Variants in TIMP2 observed in about 807,000 individuals in gnomAD.
TIMP2 encodes the protein metalloproteinase inhibitor 2.
A neutral mutation model predicts 24.3 loss-of-function variants in TIMP2; 5 were observed. The ratio of observed to expected loss-of-function variants is 0.21; its 90% confidence interval spans 0.11 to 0.43. TIMP2 has a LOEUF of 0.43. Ranked by LOEUF, TIMP2 falls within the 20% of genes least tolerant of loss-of-function variation. The pLI is 1.00. For missense variants in TIMP2, 221 were observed against 297.5 expected (o/e 0.74, Z 1.89); for synonymous variants, 130 against 123.2 (o/e 1.06, Z -0.37).
chr17:78,925,105 G>T lies in TIMP2; in HGVS notation c.-17C>A, dbSNP rs1341337207. 2 of 908,252 alleles carry T rather than the reference G, an allele frequency of 2.2e-6. No homozygotes were observed. The highest frequency in any genetic ancestry group is 2.6e-6 in the Non-Finnish European group (2 of 761,706). The allele number at this position is 908,252 out of a possible 1,614,324, so 56.3% of individuals were successfully genotyped here. On this transcript the variant is annotated 5_prime_UTR_variant, in exon 1 of 5. Transcript: ENST00000262768. ...GGCGCCCATGGCGGGCCGGGGGGCTGGGCGGGCGGGGGCCGCCGCTGGGGG... is the reference window on the plus strand; with the variant it reads ...GGCGCCCATGGCGGGCCGGGGGGCTTGGCGGGCGGGGGCCGCCGCTGGGGG...
intron 1 of TIMP2, among the ~76,000 whole-genome samples, chr17:78,921,188 ACTAT>A (rs1291371482): frequency 3.3e-5 from 5 of 152,080 alleles, no homozygotes; most frequent in Non-Finnish European, 5.9e-5. Context: ...GGTGGCCCCT[ACTAT>A]CTGTCTGGTC....
At chr17:78,888,498 A>G (rs1190864381) in intron 1 of TIMP2, among the ~76,000 whole-genome samples, 1 of 152,078 alleles carries the variant, frequency 6.6e-6, no homozygotes, top group East Asian at 1.9e-4. Flanking sequence ...TCTGTCACCC[A>G]GGCTGGCAGT....
At chr17:78,897,198 T>A (rs532084491) in intron 1 of TIMP2, 2 of 163,760 alleles carry the variant, frequency 1.2e-5, no homozygotes, top group African/African-American at 2.4e-5. Context: ...ATCACAGTCA[T>A]AGGGAGTGTG....
intron 3 of TIMP2, among the ~76,000 whole-genome samples, chr17:78,868,347 T>G (rs1388881287): frequency 1.3e-5 from 2 of 152,010 alleles, no homozygotes; most frequent in Non-Finnish European, 2.9e-5. Flanking sequence ...GCCTCCTGGG[T>G]TCAAATGATT....
chr17:78,870,474 A>G (rs2069670741), intron 3 of TIMP2, among the ~76,000 whole-genome samples: 1 of 151,704 alleles, frequency 6.6e-6, no homozygotes, highest in African/African-American at 2.4e-5. Context: ...ACATGGCTAC[A>G]TTTTGTTACG....
At chr17:78,901,742 C>A (rs1157671499) in intron 1 of TIMP2, 2 of 717,256 alleles carry the variant, frequency 2.8e-6, no homozygotes, top group Non-Finnish European at 5.2e-6. Context: ...CTTGTCACCA[C>A]GAGAAGCACC....
Position 78,870,991 on chromosome 17 carries a change from C to T in TIMP2, c.247G>A (p.Glu83Lys). 6.2e-7 allele frequency: 1 copy of T among 1,612,744 alleles called. No individual in the cohort carries two copies. Among genetic ancestry groups the T allele is most frequent in the South Asian group, 1.1e-5 (1 of 90,658 alleles). The part of the protein sequence containing the change: ...IKQIKMFKGP[E>K]KDIEFIYTAP... ...GTGTAGATAAACTCTATATCCTTCT[C>T]AGGCCCTTTGAACATCTGGAAAGAC... The change falls in exon 3 of 5, where the codon GAG becomes AAG. Residue 83 changes from glutamate (E) to lysine (K), a missense_variant. Coordinates refer to ENST00000262768, the MANE Select transcript of TIMP2 (RefSeq NM_003255.5).
chr17:78,879,413 C>T lies in TIMP2; in HGVS notation c.131-5494G>A, dbSNP rs906401969. Among the ~76,000 whole-genome samples the T allele has an allele frequency of 2.6e-5, 4 of 152,174 alleles. No homozygotes were observed. The South Asian group carries it at 6.2e-4, about 24-fold the overall frequency. Reference sequence around the variant, plus strand: ...ATGTGAAGAACAGGGCTGGGGAAAGCGAAGAGACATAAGGAATCTGGGAAG... The same window carrying T: ...ATGTGAAGAACAGGGCTGGGGAAAGTGAAGAGACATAAGGAATCTGGGAAG... On this transcript the variant is annotated intron_variant, in intron 1 of 4. Coordinates refer to ENST00000262768, the MANE Select transcript of TIMP2 (RefSeq NM_003255.5).
intron 1 of TIMP2, among the ~76,000 whole-genome samples, chr17:78,893,176 TGTGTGTGCAGGG>T (rs1480273781): frequency 8.2e-5 from 11 of 134,432 alleles, no homozygotes; most frequent in African/African-American, 1.5e-4. Context: ...TGTGCATACA[TGTGTGTGCAGGG>T]GTGTGTGCAA....
At chr17:78,901,768 A>T in intron 1 of TIMP2, 2 of 717,286 alleles carry the variant, frequency 2.8e-6, no homozygotes, top group South Asian at 3.0e-5. Flanking sequence ...TGCTTGGGGA[A>T]GAGGGGTGGT....
At chr17:78,923,047 G>A (rs920643454) in intron 1 of TIMP2, among the ~76,000 whole-genome samples, 5 of 152,094 alleles carry the variant, frequency 3.3e-5, no homozygotes, top group African/African-American at 1.2e-4. Context: ...ATTTGTGGTA[G>A]TTTGTCACAG....
chr17:78,919,166 A>G (rs2070288900), intron 1 of TIMP2, among the ~76,000 whole-genome samples: 1 of 152,242 alleles, frequency 6.6e-6, no homozygotes, highest in Non-Finnish European at 1.5e-5. Context: ...GGCCCGCTCC[A>G]GCACGCGGAG....
intron 1 of TIMP2, among the ~76,000 whole-genome samples, chr17:78,918,078 A>G (rs1371983705): frequency 3.4e-5 from 5 of 149,144 alleles, no homozygotes; most frequent in East Asian, 3.9e-4. Context: ...ACACACACAC[A>G]CACACACACA....
chr17:78,886,765 C>T (rs141221287), intron 1 of TIMP2, among the ~76,000 whole-genome samples: 91 of 152,212 alleles, frequency 6.0e-4, no homozygotes, highest in African/African-American at 2.0e-3. Context: ...GTCTCTGTCA[C>T]TGAAGCTGGA....
In TIMP2 at chr17:78,920,350, G is replaced by A. The variant is rs893573702; in HGVS notation, c.130+4609C>T. Among the ~76,000 whole-genome samples the A allele has an allele frequency of 5.3e-4, 81 of 152,336 alleles. No individual in the cohort carries two copies. Among genetic ancestry groups the A allele is most frequent in the Non-Finnish European group, 8.7e-4 (59 of 68,030 alleles). ...AGGCCAGGACTGCGTACGTGGCTCT[G>A]CACCCCCAGAAGGGTGCAAATAGGG... On this transcript the variant is annotated intron_variant, in intron 1 of 4. Transcript: ENST00000262768. The surrounding 1 kb of genome is among the most constrained non-coding windows in gnomAD (Gnocchi z 4.5).
intron 1 of TIMP2, among the ~76,000 whole-genome samples, chr17:78,883,472 T>C (rs1167288626): frequency 1.3e-5 from 2 of 152,078 alleles, no homozygotes; most frequent in African/African-American, 2.4e-5. Context: ...AGAAAAGATA[T>C]TTTGTTGGGG....
intron 1 of TIMP2, among the ~76,000 whole-genome samples, chr17:78,919,964 C>T (rs2070296974): frequency 6.6e-6 from 1 of 152,202 alleles, no homozygotes; most frequent in Non-Finnish European, 1.5e-5. Flanking sequence ...CCTGCCCCTG[C>T]CACTGCCACG....
intron 1 of TIMP2, among the ~76,000 whole-genome samples, chr17:78,894,326 C>T (rs1236157173): frequency 1.3e-5 from 2 of 152,026 alleles, no homozygotes; most frequent in Non-Finnish European, 2.9e-5. Context: ...TGACCAACCT[C>T]AGGTGGTCAC....
At chr17:78,887,510 G>A (rs2069834965) in intron 1 of TIMP2, among the ~76,000 whole-genome samples, 1 of 152,080 alleles carries the variant, frequency 6.6e-6, no homozygotes, top group African/African-American at 2.4e-5. Context: ...TCAGCCTCCC[G>A]AATAGCTGGG....
Sources: allele counts gnomAD v4.1 joint callset (sites outside exome capture counted in the v4.1 genomes callset), GRCh38; gene constraint gnomAD v4.1.1; non-coding constraint Gnocchi (gnomAD v3.1); transcripts MANE v1.5; gene names NCBI Gene and HGNC (gene_info 2026-07-23, HGNC 2026-07-21).